GRIN2B: variants seen among roughly 807,000 people sequenced by gnomAD.
The protein encoded by GRIN2B is glutamate ionotropic receptor NMDA type subunit 2B, also known as glutamate receptor ionotropic, NMDA 2B.
Under a neutral mutation model 114.5 loss-of-function variants are expected in GRIN2B, and 5 were observed. The ratio of observed to expected loss-of-function variants is 0.04; its 90% CI spans 0.02 to 0.09. The LOEUF is 0.09. Among genes scored for constraint, GRIN2B ranks in the 10% least tolerant of loss-of-function variants. The pLI, the probability that GRIN2B is intolerant of heterozygous loss-of-function variation, is 1.00. For missense variants in GRIN2B, 1,108 were observed against 1,943.5 expected, an observed-to-expected ratio of 0.57 and a Z score of 8.08; for synonymous variants, 787 against 745.1, an observed-to-expected ratio of 1.06 and a Z score of -0.92.
At chr12:13,907,125 T>TAAA (rs66669873) in intron 2 of GRIN2B, among the ~76,000 whole-genome samples, 2 of 151,916 alleles carry the variant, frequency 1.3e-5, no homozygotes, top group African/African-American at 4.8e-5. Context: ...GCAATCTAGA[T>TAAA]AAAAAAAGTC....
intron 3 of GRIN2B, among the ~76,000 whole-genome samples, chr12:13,800,667 T>C (rs1864493147): frequency 6.6e-6 from 1 of 152,176 alleles, no homozygotes; most frequent in Non-Finnish European, 1.5e-5. Flanking sequence ...CAGCATACTG[T>C]TACAGTGAAA....
intron 3 of GRIN2B, among the ~76,000 whole-genome samples, chr12:13,783,609 G>A (rs1258645042): frequency 2.0e-5 from 3 of 152,138 alleles, no homozygotes; most frequent in Non-Finnish European, 4.4e-5. Context: ...GGGGCACATG[G>A]ACAAAGAGAG....
chr12:13,895,698 C>A (rs1866341361), intron 2 of GRIN2B, among the ~76,000 whole-genome samples: 1 of 152,170 alleles, frequency 6.6e-6, no homozygotes, highest in South Asian at 2.1e-4. Flanking sequence ...CTTTGCAATT[C>A]TTGCTTGCTG....
intron 4 of GRIN2B, among the ~76,000 whole-genome samples, chr12:13,706,671 A>G (rs191479731): frequency 6.6e-6 from 1 of 152,240 alleles, no homozygotes; most frequent in East Asian, 1.9e-4. Flanking sequence ...TGAAAGCCCA[A>G]GCTCAGATGC....
At chr12:13,673,418 T>C (rs1247480786) in intron 5 of GRIN2B, among the ~76,000 whole-genome samples, 2 of 152,004 alleles carry the variant, frequency 1.3e-5, no homozygotes, top group African/African-American at 4.8e-5. Flanking sequence ...CCCCAGTCCA[T>C]AAACCATAGA....
At chr12:13,960,784 T>C (rs928447149) in intron 2 of GRIN2B, among the ~76,000 whole-genome samples, 1 of 152,002 alleles carries the variant, frequency 6.6e-6, no homozygotes, top group African/African-American at 2.4e-5. Context: ...AAGAGACGGA[T>C]TGGGTCAGGA....
intron 2 of GRIN2B, among the ~76,000 whole-genome samples, chr12:13,895,364 T>A (rs1480673671): frequency 6.6e-6 from 1 of 152,188 alleles, no homozygotes; most frequent in Non-Finnish European, 1.5e-5. Context: ...AAATAATCAC[T>A]TTCACTTTAA....
chr12:13,922,895 CT>C (rs1199227497), intron 2 of GRIN2B, among the ~76,000 whole-genome samples: 1 of 152,182 alleles, frequency 6.6e-6, no homozygotes. Context: ...AGGATGCTCT[CT>C]TCCTGGAATT....
chr12:13,635,212 G>A (rs1370593971), intron 5 of GRIN2B, among the ~76,000 whole-genome samples: 5 of 152,154 alleles, frequency 3.3e-5, no homozygotes, highest in African/African-American at 2.4e-5. Context: ...GCTGAGAAAC[G>A]TAGACTGTGG....
chr12:13,758,528 A>T (rs1341116722), intron 3 of GRIN2B, among the ~76,000 whole-genome samples: 1 of 152,236 alleles, frequency 6.6e-6, no homozygotes. Flanking sequence ...AATATAAGAA[A>T]TGCATTTGCA....
intron 5 of GRIN2B, among the ~76,000 whole-genome samples, chr12:13,656,191 T>G (rs1216316941): frequency 6.6e-6 from 1 of 152,128 alleles, no homozygotes; most frequent in South Asian, 2.1e-4. Flanking sequence ...AGTTCCTGAA[T>G]ACAATAATAA....
chr12:13,661,703 T>C (rs1399944395), intron 5 of GRIN2B, among the ~76,000 whole-genome samples: 1 of 152,152 alleles, frequency 6.6e-6, no homozygotes, highest in Non-Finnish European at 1.5e-5. Flanking sequence ...GGTGGGACAC[T>C]TGCAGGGGGC....
intron 2 of GRIN2B, among the ~76,000 whole-genome samples, chr12:13,883,912 A>C (rs1866108320): frequency 1.3e-5 from 2 of 152,168 alleles, no homozygotes. Flanking sequence ...TTTTAATTTC[A>C]AGAGTTGTAT....
At chr12:13,831,292 A>C (rs1438165971) in intron 3 of GRIN2B, among the ~76,000 whole-genome samples, 2 of 152,238 alleles carry the variant, frequency 1.3e-5, no homozygotes, top group Non-Finnish European at 2.9e-5. Flanking sequence ...CTTTATAGCA[A>C]CATAAATGAA....
At chr12:13,613,697 G>C (rs1949396312) in intron 8 of GRIN2B, among the ~76,000 whole-genome samples, 1 of 152,154 alleles carries the variant, frequency 6.6e-6, no homozygotes. Context: ...ATAGGTCTAA[G>C]ATTCAGTTTC....
At chr12:13,934,510 G>C (rs1279577500) in intron 2 of GRIN2B, among the ~76,000 whole-genome samples, 1 of 152,206 alleles carries the variant, frequency 6.6e-6, no homozygotes, top group Non-Finnish European at 1.5e-5. Context: ...GCTTGTAAGT[G>C]ATTTTAACTC....
At chr12:13,673,074 TAAC>T (rs1397951637) in intron 5 of GRIN2B, among the ~76,000 whole-genome samples, 2 of 152,226 alleles carry the variant, frequency 1.3e-5, no homozygotes, top group African/African-American at 4.8e-5. Context: ...TGGACAACTC[TAAC>T]AAGAGGCAGA....
At chr12:13,605,547 T>A (rs1177256412) in intron 10 of GRIN2B, among the ~76,000 whole-genome samples, 41 of 48,936 alleles carry the variant, frequency 8.4e-4, no homozygotes, top group African/African-American at 1.0e-3. Flanking sequence ...TCTCTCTCTC[T>A]CTCTGACACA....
At chr12:13,662,559 T>A (rs79142428) in intron 5 of GRIN2B, among the ~76,000 whole-genome samples, 5,536 of 152,272 alleles carry the variant, frequency 0.036, 320 homozygotes, top group African/African-American at 0.13. Context: ...GATTTGTTTA[T>A]ATGTTTGTTG....
Sources: gnomAD v4.1 joint callset for allele counts (sites outside exome capture counted in the v4.1 genomes callset) on GRCh38, gnomAD v4.1.1 for gene constraint, MANE v1.5 for transcripts, NCBI Gene and HGNC (gene_info 2026-07-23, HGNC 2026-07-21) for gene names.